KCNK9: variants seen among roughly 807,000 people sequenced by gnomAD.
The protein encoded by KCNK9 is potassium two pore domain channel subfamily K member 9.
Under a neutral mutation model 10.8 loss-of-function variants are expected in KCNK9, and 1 was observed. The ratio of observed to expected loss-of-function variants is 0.09; its 90% CI spans 0.03 to 0.44. The LOEUF (loss-of-function observed/expected upper bound fraction) is 0.44. Ranked by LOEUF, KCNK9 falls within the 20% of genes least tolerant of loss-of-function variation. The pLI is 0.97. For synonymous variants in KCNK9, 231 were observed against 222.7 expected (o/e 1.04, Z -0.33); for missense variants, 303 against 515.0 (o/e 0.59, Z 3.98).
chr8:139,636,345 C>T (rs989309595), intron 1 of KCNK9, among the ~76,000 whole-genome samples: 5 of 152,332 alleles, frequency 3.3e-5, no homozygotes, highest in African/African-American at 4.8e-5. Flanking sequence ...GCTGTTCTCA[C>T]GCTGGTGTGT....
At chr8:139,650,541 C>T (rs766835176) in intron 1 of KCNK9, among the ~76,000 whole-genome samples, 51 of 152,088 alleles carry the variant, frequency 3.4e-4, no homozygotes, top group Admixed American at 6.5e-4. Flanking sequence ...TCCCCCTGTC[C>T]CTCCCTTACC....
intron 1 of KCNK9, among the ~76,000 whole-genome samples, chr8:139,662,179 T>A (rs939762526): frequency 1.3e-5 from 2 of 152,044 alleles, no homozygotes; most frequent in African/African-American, 4.8e-5. Context: ...GGCCTCCCCA[T>A]CCTCCTGAGG....
At chr8:139,645,410 G>A (rs1815645958) in intron 1 of KCNK9, among the ~76,000 whole-genome samples, 1 of 152,192 alleles carries the variant, frequency 6.6e-6, no homozygotes, top group African/African-American at 2.4e-5. Context: ...CCAGGGAGGG[G>A]CCTTCAGGGT....
chr8:139,648,286 A>G (rs554386931), intron 1 of KCNK9, among the ~76,000 whole-genome samples: 34 of 152,304 alleles, frequency 2.2e-4, no homozygotes, highest in African/African-American at 8.2e-4. Context: ...AGTGAGTGCT[A>G]CTGGGGACGG....
intron 1 of KCNK9, among the ~76,000 whole-genome samples, chr8:139,663,199 T>A (rs1816208699): frequency 6.6e-6 from 1 of 151,948 alleles, no homozygotes; most frequent in African/African-American, 2.4e-5. Flanking sequence ...ACGCCCCACA[T>A]ACACATGCAC....
intron 1 of KCNK9, among the ~76,000 whole-genome samples, chr8:139,635,574 A>C (rs1586650220): frequency 6.6e-6 from 1 of 152,250 alleles, no homozygotes; most frequent in East Asian, 1.9e-4. Flanking sequence ...CCAGAAAAGA[A>C]ATGGAAAAAG....
downstream of KCNK9, chr8:139,616,017 T>C (rs1814579148): frequency 1.3e-5 from 2 of 152,146 alleles, no homozygotes; most frequent in Non-Finnish European, 2.9e-5. Context: ...GTCAGCTCCT[T>C]GGACTCTCCT....
chr8:139,699,707 T>C (rs939593603), intron 1 of KCNK9, among the ~76,000 whole-genome samples: 1 of 152,206 alleles, frequency 6.6e-6, no homozygotes, highest in Admixed American at 6.5e-5. Context: ...CCCAGAGAGC[T>C]GGGGTGAGAC....
At chr8:139,643,056 G>C (rs1815556492) in intron 1 of KCNK9, among the ~76,000 whole-genome samples, 1 of 152,128 alleles carries the variant, frequency 6.6e-6, no homozygotes, top group African/African-American at 2.4e-5. Flanking sequence ...ATGAGCCCCT[G>C]TGGTCCCCCT....
chr8:139,700,290 G>A (rs966655271), intron 1 of KCNK9, among the ~76,000 whole-genome samples: 1 of 152,136 alleles, frequency 6.6e-6, no homozygotes, highest in African/African-American at 2.4e-5. Context: ...AAGTCAGCCT[G>A]TCAGGTAGTT....
In KCNK9 at chr8:139,654,708, C is replaced by T. The variant is rs141650791; in HGVS notation, c.284-35609G>A. On this transcript the variant is annotated intron_variant, in intron 1 of 1. Transcript: ENST00000520439. ...GGATACTGTAAGATCCACGAAGACACGCATTACATGCCACACTGGTTGCTT... is the reference window on the plus strand; with the variant it reads ...GGATACTGTAAGATCCACGAAGACATGCATTACATGCCACACTGGTTGCTT... Among the ~76,000 whole-genome samples, 31 of 152,338 alleles carry T rather than the reference C, an allele frequency of 2.0e-4. No homozygotes were observed. The East Asian group carries it at 3.7e-3, about 18-fold the overall frequency.
intron 1 of KCNK9, among the ~76,000 whole-genome samples, chr8:139,683,820 C>T (rs1239979466): frequency 6.6e-6 from 1 of 152,224 alleles, no homozygotes; most frequent in Admixed American, 6.5e-5. Context: ...TGGAGCCACA[C>T]CTCCTTCTCC....
At chr8:139,644,722 C>CG (rs893939575) in intron 1 of KCNK9, among the ~76,000 whole-genome samples, 12 of 144,836 alleles carry the variant, frequency 8.3e-5, no homozygotes, top group Middle Eastern at 3.5e-3. Context: ...CTGTCCCCCC[C>CG]CCCCAGAGCC....
chr8:139,701,122 T>G (rs1440654645), intron 1 of KCNK9, among the ~76,000 whole-genome samples: 1 of 152,174 alleles, frequency 6.6e-6, no homozygotes. Flanking sequence ...CACTGCCCTG[T>G]GCATCTGCGT....
chr8:139,659,387 A>T (rs547930004), intron 1 of KCNK9, among the ~76,000 whole-genome samples: 12 of 152,328 alleles, frequency 7.9e-5, no homozygotes, highest in East Asian at 1.9e-4. Flanking sequence ...TTTGCCTCAG[A>T]CACATTGATT....
chr8:139,643,034 G>A (rs917142797), intron 1 of KCNK9, among the ~76,000 whole-genome samples: 1 of 152,084 alleles, frequency 6.6e-6, no homozygotes, highest in Non-Finnish European at 1.5e-5. Context: ...ATAAGGCAGT[G>A]CCCCAAGACC....
At chr8:139,609,106 A>T (rs2430820), downstream of KCNK9, among the ~76,000 whole-genome samples, 1 of 123,852 alleles carries the variant, frequency 8.1e-6, no homozygotes, top group African/African-American at 3.2e-5. Flanking sequence ...GACCCATCCC[A>T]CCCCACCCCG....
At chr8:139,661,121 G>A (rs1392044373) in intron 1 of KCNK9, among the ~76,000 whole-genome samples, 1 of 152,224 alleles carries the variant, frequency 6.6e-6, no homozygotes, top group African/African-American at 2.4e-5. Context: ...CCAGGCCAAA[G>A]TCACTGCAGT....
intron 1 of KCNK9, among the ~76,000 whole-genome samples, chr8:139,637,720 TAA>T (rs1449430727): frequency 1.3e-5 from 2 of 148,786 alleles, no homozygotes; most frequent in East Asian, 1.9e-4. Context: ...ATTGAATACT[TAA>T]AGTTTGCTAA....
Sources: allele counts gnomAD v4.1 joint callset (sites outside exome capture counted in the v4.1 genomes callset), GRCh38; gene constraint gnomAD v4.1.1; transcripts MANE v1.5; gene names NCBI Gene and HGNC (gene_info 2026-07-23, HGNC 2026-07-21).